RIT2: variants seen among roughly 807,000 people sequenced by gnomAD.
RIT2 encodes the protein Ras like without CAAX 2.
Under a neutral mutation model 23.7 loss-of-function variants are expected in RIT2, and 24 were observed. That is an observed-to-expected ratio of 1.01 (90% confidence interval 0.73 to 1.43). RIT2 has a LOEUF of 1.43. Among genes scored for constraint, RIT2 ranks in the 40% most tolerant of loss-of-function variants. The pLI is 0.00. For missense variants in RIT2, 236 were observed against 266.9 expected, an observed-to-expected ratio of 0.88 and a Z score of 0.81; for synonymous variants, 107 against 91.1, an observed-to-expected ratio of 1.17 and a Z score of -0.99.
chr18:42,793,653 G>A (rs1316093628), intron 4 of RIT2, among the ~76,000 whole-genome samples: 1 of 152,026 alleles, frequency 6.6e-6, no homozygotes, highest in Non-Finnish European at 1.5e-5. Context: ...CTGAGACCTG[G>A]GCATTCCAAA....
chr18:42,756,883 AG>A (rs1164080970), intron 4 of RIT2, among the ~76,000 whole-genome samples: 1 of 26,274 alleles, frequency 3.8e-5, no homozygotes, highest in Non-Finnish European at 8.2e-5. Flanking sequence ...AATTTATATT[AG>A]GTAAAAATAG....
intron 4 of RIT2, among the ~76,000 whole-genome samples, chr18:42,745,249 C>A (rs1265082416): frequency 6.6e-6 from 1 of 152,078 alleles, no homozygotes; most frequent in East Asian, 1.9e-4. Context: ...AATAGACCTC[C>A]CAGCTCACTC....
intron 2 of RIT2, among the ~76,000 whole-genome samples, chr18:42,999,508 T>A (rs1362428123): frequency 6.6e-6 from 1 of 151,974 alleles, no homozygotes; most frequent in African/African-American, 2.4e-5. Context: ...AGAGCAAATA[T>A]TAGGATATTC....
At chr18:43,060,260 T>C (rs1308551130) in intron 1 of RIT2, among the ~76,000 whole-genome samples, 1 of 152,138 alleles carries the variant, frequency 6.6e-6, no homozygotes, top group Non-Finnish European at 1.5e-5. Context: ...GGTCTCCTGA[T>C]ACCCTGTCCA....
chr18:42,957,828 TTTAC>T (rs995312650), intron 3 of RIT2, among the ~76,000 whole-genome samples: 2 of 152,130 alleles, frequency 1.3e-5, no homozygotes, highest in African/African-American at 4.8e-5. Flanking sequence ...TTAATAATAA[TTTAC>T]TTAAACTAAA....
chr18:43,011,004 C>T (rs1268353181), intron 2 of RIT2, among the ~76,000 whole-genome samples: 1 of 151,718 alleles, frequency 6.6e-6, no homozygotes, highest in Middle Eastern at 3.2e-3. Context: ...AAAAGAAATA[C>T]ATGTGCAAGA....
chr18:42,861,295 G>A (rs886495502), intron 4 of RIT2, among the ~76,000 whole-genome samples: 4 of 152,168 alleles, frequency 2.6e-5, no homozygotes, highest in African/African-American at 9.7e-5. Context: ...GTTAGGGAAA[G>A]GACATTTTTC....
intron 1 of RIT2, among the ~76,000 whole-genome samples, chr18:43,061,200 G>A (rs1454600278): frequency 6.6e-6 from 1 of 151,880 alleles, no homozygotes; most frequent in African/African-American, 2.4e-5. Context: ...TTTATTTATT[G>A]GCTCTCTAAG....
intron 1 of RIT2, among the ~76,000 whole-genome samples, chr18:43,035,445 C>A (rs1227129691): frequency 6.6e-6 from 1 of 151,992 alleles, no homozygotes; most frequent in Non-Finnish European, 1.5e-5. Context: ...ATGGCAGTTG[C>A]CTCCCTCTCT....
At chr18:43,078,212 C>G (rs1002896399) in intron 1 of RIT2, among the ~76,000 whole-genome samples, 2 of 152,124 alleles carry the variant, frequency 1.3e-5, no homozygotes, top group African/African-American at 4.8e-5. Flanking sequence ...TTTCAAATCT[C>G]TCAATACTCT....
chr18:43,103,924 C>G (rs1913747786), intron 1 of RIT2, among the ~76,000 whole-genome samples: 1 of 151,966 alleles, frequency 6.6e-6, no homozygotes, highest in African/African-American at 2.4e-5. Flanking sequence ...GAAGAAATCC[C>G]ACTACTGGGT....
intron 1 of RIT2, among the ~76,000 whole-genome samples, chr18:43,104,818 T>G (rs1913770370): frequency 6.6e-6 from 1 of 152,166 alleles, no homozygotes; most frequent in Non-Finnish European, 1.5e-5. Flanking sequence ...TTTCTTCAAT[T>G]AAACAAAAAT....
chr18:42,795,269 G>T (rs142261930), intron 4 of RIT2, among the ~76,000 whole-genome samples: 2 of 152,198 alleles, frequency 1.3e-5, no homozygotes, highest in African/African-American at 4.8e-5. Context: ...AGCAGGAACC[G>T]GGGCTGCGTG....
chr18:42,874,446 G>T (rs1408183272), intron 4 of RIT2, among the ~76,000 whole-genome samples: 1 of 152,066 alleles, frequency 6.6e-6, no homozygotes, highest in Non-Finnish European at 1.5e-5. Context: ...ATTTGTATGT[G>T]ACTGACATGG....
chr18:43,113,265 A>G (rs1913994521), intron 1 of RIT2, among the ~76,000 whole-genome samples: 1 of 152,198 alleles, frequency 6.6e-6, no homozygotes. Flanking sequence ...ATTTAGTCAT[A>G]AGGACAGCAT....
chr18:43,115,268 ACACTTTGGAGCATCCTGC>A (rs1053766092), intron 1 of RIT2, 131 bp downstream of exon 1: 2 of 934,754 alleles, frequency 2.1e-6, no homozygotes, highest in African/African-American at 1.7e-5. Flanking sequence ...AACAGTCCTG[ACACTTTGGAGCATCCTGC>A]CAGACCCATA....
At chr18:42,899,387 T>A (rs1908416434) in intron 4 of RIT2, among the ~76,000 whole-genome samples, 1 of 151,642 alleles carries the variant, frequency 6.6e-6, no homozygotes, top group African/African-American at 2.4e-5. Context: ...AGATCAATAA[T>A]TGAGATACCC....
chr18:43,065,218 GTTTTTTTTT>G (rs58941113), intron 1 of RIT2, among the ~76,000 whole-genome samples: 2 of 81,644 alleles, frequency 2.4e-5, no homozygotes, highest in African/African-American at 4.4e-5. Flanking sequence ...ACTTTTTTGG[GTTTTTTTTT>G]TTTTTTTTTT....
At position 43,004,684 on chromosome 18, in the gene RIT2, A is replaced by T. The variant is rs542950499; in HGVS notation, c.160+29127T>A. Among the ~76,000 whole-genome samples, 140 of 151,936 alleles carry T rather than the reference A, an allele frequency of 9.2e-4. 2 individuals carry two copies. The highest frequency in any genetic ancestry group is 6.0e-3 in the South Asian group (29 of 4,826). ...CTCTGCTTCATACTCATCCTCCAGG[A>T]CTTGGGCTAAGTACTTCCTCCTCTT... On this transcript the variant is annotated intron_variant, in intron 2 of 4. Coordinates refer to ENST00000326695, the MANE Select transcript of RIT2 (RefSeq NM_002930.4).
Sources: gnomAD v4.1 joint callset for allele counts (sites outside exome capture counted in the v4.1 genomes callset) on GRCh38, gnomAD v4.1.1 for gene constraint, MANE v1.5 for transcripts, NCBI Gene and HGNC (gene_info 2026-07-23, HGNC 2026-07-21) for gene names.